Variants in PRKCB observed in about 807,000 individuals in gnomAD.
PRKCB encodes protein kinase C beta type.
In PRKCB, 13 loss-of-function variants were observed where a neutral mutation model predicts 81.5. The observed-to-expected ratio is 0.16, with a 90% CI of 0.10 to 0.25. The LOEUF (loss-of-function observed/expected upper bound fraction) is 0.25, where lower values mean the gene tolerates loss of function less well. Among genes scored for constraint, PRKCB ranks in the 10% least tolerant of loss-of-function variants. PRKCB has a pLI of 1.00. For missense variants in PRKCB, 509 were observed against 875.7 expected, an observed-to-expected ratio of 0.58 and a Z score of 5.29; for synonymous variants, 335 against 321.4, an observed-to-expected ratio of 1.04 and a Z score of -0.45.
chr16:23,875,598 T>TAC (rs1330763433), intron 2 of PRKCB, among the ~76,000 whole-genome samples: 4 of 108,074 alleles, frequency 3.7e-5, no homozygotes, highest in Non-Finnish European at 8.1e-5. Context: ...ATCACACACA[T>TAC]ATGTATGTAT....
intron 7 of PRKCB, among the ~76,000 whole-genome samples, chr16:24,096,666 A>AAAAT (rs1406204037): frequency 7.3e-4 from 24 of 32,692 alleles, no homozygotes; most frequent in Admixed American, 1.8e-3. Context: ...AAAAAAAAAA[A>AAAAT]ATATATATAT....
intron 1 of PRKCB, chr16:23,837,147 C>G (rs1002919704): frequency 3.4e-5 from 21 of 620,406 alleles, no homozygotes; most frequent in African/African-American, 2.6e-4. Flanking sequence ...TATCCCGCCA[C>G]CTGGTGGTCG....
intron 3 of PRKCB, among the ~76,000 whole-genome samples, chr16:23,991,294 T>A (rs1035395305): frequency 6.6e-6 from 1 of 152,212 alleles, no homozygotes; most frequent in African/African-American, 2.4e-5. Context: ...CCAAGAAACA[T>A]GGAACAACCA....
chr16:23,933,240 G>T (rs985453587), intron 2 of PRKCB, among the ~76,000 whole-genome samples: 1 of 152,166 alleles, frequency 6.6e-6, no homozygotes, highest in Non-Finnish European at 1.5e-5. Context: ...GTTAGGTGAG[G>T]ACATAATTGT....
chr16:24,089,731 T>C (rs1362719142), intron 5 of PRKCB, among the ~76,000 whole-genome samples: 1 of 152,020 alleles, frequency 6.6e-6, no homozygotes, highest in Non-Finnish European at 1.5e-5. Context: ...ACCATGATCA[T>C]GCCACTGCAC....
At chr16:23,897,022 A>G (rs1180038788) in intron 2 of PRKCB, among the ~76,000 whole-genome samples, 1 of 151,966 alleles carries the variant, frequency 6.6e-6, no homozygotes, top group Non-Finnish European at 1.5e-5. Flanking sequence ...CCATTCATCC[A>G]TCCATCCAAT....
At chr16:24,158,633 T>C (rs1967206105) in intron 10 of PRKCB, among the ~76,000 whole-genome samples, 1 of 151,852 alleles carries the variant, frequency 6.6e-6, no homozygotes, top group African/African-American at 2.4e-5. Flanking sequence ...TGTATGTGTG[T>C]GTATGTGTAT....
At chr16:23,852,774 C>T (rs1362663008) in intron 2 of PRKCB, among the ~76,000 whole-genome samples, 1 of 152,228 alleles carries the variant, frequency 6.6e-6, no homozygotes, top group African/African-American at 2.4e-5. Flanking sequence ...CTATCCTAAC[C>T]TCTATCACCT....
At chr16:24,112,828 AAAAACAAACC>A (rs68132728) in intron 7 of PRKCB, 135 bp from the exon 8 acceptor site, 246,332 of 586,600 alleles carry the variant, frequency 0.42, 54,885 homozygotes, top group Non-Finnish European at 0.48. Flanking sequence ...CAACATACTG[AAAAACAAACC>A]AAAACAAACC....
At chr16:23,969,688 A>G (rs550299451) in intron 2 of PRKCB, among the ~76,000 whole-genome samples, 1 of 152,196 alleles carries the variant, frequency 6.6e-6, no homozygotes, top group Non-Finnish European at 1.5e-5. Flanking sequence ...CATCATCATT[A>G]TCATCATCAT....
intron 2 of PRKCB, among the ~76,000 whole-genome samples, chr16:23,854,826 T>C (rs535389808): frequency 6.6e-6 from 1 of 152,240 alleles, no homozygotes; most frequent in African/African-American, 2.4e-5. Flanking sequence ...TGCTTGGCTG[T>C]CTAAAAACAT....
At chr16:24,161,958 G>C (rs1967262935) in intron 10 of PRKCB, among the ~76,000 whole-genome samples, 1 of 152,070 alleles carries the variant, frequency 6.6e-6, no homozygotes, top group Non-Finnish European at 1.5e-5. Flanking sequence ...ACTGCCAGTG[G>C]GCACAGGCAG....
In PRKCB at chr16:24,213,006, A is replaced by T. The variant is rs117802727; in HGVS notation, c.1864-1652A>T. On this transcript the variant is annotated intron_variant, in intron 16 of 16. Coordinates refer to ENST00000643927, the MANE Select transcript of PRKCB (RefSeq NM_002738.7). The stretch of plus-strand genomic sequence containing the variant: ...GCCACCAGGCTGCCACCGTACTTGT[A>T]TATTTATTTATTTATTTATTTATTT... Among the ~76,000 whole-genome samples the T allele has an allele frequency of 9.5e-3, 1,369 of 143,816 alleles. 18 individuals are homozygous for T. The highest frequency in any genetic ancestry group is 0.04 in the Middle Eastern group (11 of 276). 94.3% of individuals were successfully genotyped at this position (143,816 alleles called of 152,430 possible). A position where few individuals can be genotyped will look rare whatever the true frequency, so the allele number is the denominator to read the frequency against.
At chr16:24,174,319 C>A (rs764880349) in intron 11 of PRKCB, 199 bp from the exon 12 acceptor site, 6 of 545,736 alleles carry the variant, frequency 1.1e-5, no homozygotes, top group Non-Finnish European at 1.6e-5. Flanking sequence ...CCCAGTTTGT[C>A]CTTAAGGCAA....
At chr16:24,049,211 A>C (rs2141868543) in intron 5 of PRKCB, among the ~76,000 whole-genome samples, 1 of 151,030 alleles carries the variant, frequency 6.6e-6, no homozygotes, top group South Asian at 2.1e-4. Context: ...GGGTTATGTG[A>C]ATCTGGCAAC....
chr16:23,951,517 G>A (rs1455727735), intron 2 of PRKCB, among the ~76,000 whole-genome samples: 1 of 151,092 alleles, frequency 6.6e-6, no homozygotes, highest in Non-Finnish European at 1.5e-5. Flanking sequence ...CTCAACTCCA[G>A]TGATCTTCCC....
chr16:24,099,167 A>G (rs1013399225), intron 7 of PRKCB: 2 of 152,220 alleles, frequency 1.3e-5, no homozygotes, highest in Admixed American at 6.5e-5. Context: ...GCTTTTCCAG[A>G]TGTCGTGGAG....
chr16:24,066,788 A>G (rs913605660), intron 5 of PRKCB, among the ~76,000 whole-genome samples: 6 of 152,210 alleles, frequency 3.9e-5, no homozygotes, highest in Admixed American at 3.3e-4. Context: ...CTGGTCAAGT[A>G]TCTGGTAGAA....
In PRKCB at chr16:23,857,543, G is replaced by A. The variant is rs550336900; in HGVS notation, c.205+20137G>A. Among the ~76,000 whole-genome samples, 274 of 152,276 alleles carry A rather than the reference G, an allele frequency of 1.8e-3. 2 individuals carry two copies. The highest frequency in any genetic ancestry group is 6.4e-3 in the African/African-American group (266 of 41,554). On this transcript the variant is annotated intron_variant, in intron 2 of 16. Transcript: ENST00000643927. Reference sequence around the variant, plus strand: ...GTTCTCTGGTGTGCCTGATAGGTGGGGGCCCACATGACAGCTGGCCTCTCT... The same window carrying A: ...GTTCTCTGGTGTGCCTGATAGGTGGAGGCCCACATGACAGCTGGCCTCTCT...
Sources: allele counts gnomAD v4.1 joint callset (sites outside exome capture counted in the v4.1 genomes callset), GRCh38; gene constraint gnomAD v4.1.1; transcripts MANE v1.5; gene names NCBI Gene and HGNC (gene_info 2026-07-23, HGNC 2026-07-21).